Variants in MLIP observed in about 807,000 individuals in gnomAD.
The protein encoded by MLIP is muscular LMNA interacting protein, also known as muscular LMNA-interacting protein.
In MLIP, 79 loss-of-function variants were observed where a neutral mutation model predicts 84.8. The ratio of observed to expected loss-of-function variants is 0.93; its 90% confidence interval spans 0.78 to 1.12. MLIP has a LOEUF of 1.12. MLIP is among the 50% of genes most tolerant of loss of function. The pLI, the probability that MLIP is intolerant of heterozygous loss-of-function variation, is 0.00. For missense variants in MLIP, 1,257 were observed against 1,160.6 expected (o/e 1.08, Z -1.21); for synonymous variants, 504 against 463.0 (o/e 1.09, Z -1.14).
chr6:54,230,430 C>T lies in MLIP; in HGVS notation c.2719-284C>T, dbSNP rs1433570579. ...TTATCTTCTTCCTTACAGATATCTC[C>T]CCTTAATACTTTCAAAAATAAACCT... On this transcript the variant is annotated intron_variant, in intron 11 of 13. Transcript: ENST00000502396. 2.6e-5 allele frequency among the ~76,000 whole-genome samples: 4 copies of T among 152,218 alleles called. No individual in the cohort carries two copies. The East Asian group carries it at 5.8e-4, about 22-fold the overall frequency.
At chr6:54,121,962 G>A (rs1770494920) in intron 2 of MLIP, among the ~76,000 whole-genome samples, 1 of 152,074 alleles carries the variant, frequency 6.6e-6, no homozygotes, top group African/African-American at 2.4e-5. Context: ...ATTATTTACA[G>A]GTAATGAATT....
chr6:54,245,939 T>C (rs1188441382), intron 12 of MLIP, among the ~76,000 whole-genome samples: 1 of 152,198 alleles, frequency 6.6e-6, no homozygotes, highest in African/African-American at 2.4e-5. Flanking sequence ...GACCACTGTT[T>C]TACTCCTTTC....
At chr6:54,191,548 C>T (rs1172653682) in intron 10 of MLIP, among the ~76,000 whole-genome samples, 1 of 152,114 alleles carries the variant, frequency 6.6e-6, no homozygotes, top group African/African-American at 2.4e-5. Flanking sequence ...CCTGCTCTGA[C>T]ATTAACTAGT....
intron 9 of MLIP, among the ~76,000 whole-genome samples, chr6:54,177,217 C>G (rs1776378092): frequency 6.6e-6 from 1 of 151,852 alleles, no homozygotes; most frequent in Non-Finnish European, 1.5e-5. Flanking sequence ...AATTAACGAG[C>G]TTTTGCACAG....
Position 54,217,387 on chromosome 6 carries a change from C to G in MLIP, c.2719-13327C>G, listed in dbSNP as rs1263983735. On this transcript the variant is annotated intron_variant, in intron 11 of 13. Coordinates refer to ENST00000502396, the MANE Select transcript of MLIP (RefSeq NM_001281747.2). ...AATGGAAACAGTTTTTGAAGTTAAA[C>G]AGTATGATTTGATGGTTGAGTAGAA... 3 of 985,276 alleles carry G rather than the reference C, an allele frequency of 3.0e-6. No homozygotes were observed. In the East Asian group the frequency reaches 3.4e-4, roughly 112 times the overall value. The allele number at this position is 985,276 out of a possible 1,614,324, so 61.0% of individuals were successfully genotyped here. A position where few individuals can be genotyped will look rare whatever the true frequency, so the allele number is the denominator to read the frequency against.
At chr6:54,058,155 A>AAT (rs1036438410) in intron 1 of MLIP, among the ~76,000 whole-genome samples, 17 of 151,306 alleles carry the variant, frequency 1.1e-4, no homozygotes, top group Admixed American at 6.6e-4. Context: ...AATAGAAAAA[A>AAT]AACATGTAGG....
At chr6:54,182,644 T>C (rs1433498432) in intron 9 of MLIP, among the ~76,000 whole-genome samples, 5 of 152,220 alleles carry the variant, frequency 3.3e-5, no homozygotes, top group African/African-American at 4.8e-5. Flanking sequence ...TTCATTCTAT[T>C]TTCATTCTAT....
At chr6:54,069,260 A>T (rs575715487) in intron 1 of MLIP, among the ~76,000 whole-genome samples, 3 of 101,246 alleles carry the variant, frequency 3.0e-5, no homozygotes, top group African/African-American at 7.6e-5. Flanking sequence ...TCTTGAGATA[A>T]TTTTGAGATT....
intron 1 of MLIP, among the ~76,000 whole-genome samples, chr6:54,082,567 C>A (rs1168299211): frequency 3.3e-5 from 5 of 152,164 alleles, no homozygotes; most frequent in Non-Finnish European, 5.9e-5. Flanking sequence ...TCCATATTCA[C>A]CTTTTTTGGA....
intron 11 of MLIP, among the ~76,000 whole-genome samples, chr6:54,212,360 C>A (rs1179668411): frequency 6.6e-6 from 1 of 152,056 alleles, no homozygotes; most frequent in Non-Finnish European, 1.5e-5. Flanking sequence ...GTGTTTATGT[C>A]TTTAAATACT....
At chr6:54,081,687 A>G (rs576777369) in intron 1 of MLIP, among the ~76,000 whole-genome samples, 1 of 152,300 alleles carries the variant, frequency 6.6e-6, no homozygotes, top group South Asian at 2.1e-4. Flanking sequence ...TGCTGGGATT[A>G]CAGACGTGAG....
intron 1 of MLIP, among the ~76,000 whole-genome samples, chr6:54,089,014 AG>A (rs148229063): frequency 0.01 from 1,590 of 152,264 alleles, 28 homozygotes; most frequent in African/African-American, 0.037. Flanking sequence ...TGGAAAAAAA[AG>A]TGGAGACTAA....
At chr6:54,160,048 A>G (rs1185384650) in intron 5 of MLIP, among the ~76,000 whole-genome samples, 2 of 152,064 alleles carry the variant, frequency 1.3e-5, no homozygotes, top group Non-Finnish European at 2.9e-5. Flanking sequence ...CTGATCTTCG[A>G]CAAACCTGAC....
chr6:54,157,206 T>C (rs999086639), intron 5 of MLIP, among the ~76,000 whole-genome samples: 7 of 152,090 alleles, frequency 4.6e-5, no homozygotes, highest in African/African-American at 1.7e-4. Context: ...AATCCTGGTC[T>C]TTAATTTCTG....
At position 54,235,385 on chromosome 6, in the gene MLIP, C is replaced by G. The variant is rs542493503; in HGVS notation, c.2922+4468C>G. On this transcript the variant is annotated intron_variant, in intron 12 of 13. Coordinates refer to ENST00000502396, the MANE Select transcript of MLIP (RefSeq NM_001281747.2). ...GTACTTTAAGTCCAAGTTAAATTAT[C>G]CCTCCTCTTTTGTGACATTTCTCCA... is the stretch of plus-strand genomic sequence containing the variant. Among the ~76,000 whole-genome samples, 4 of 152,210 alleles carry G rather than the reference C, an allele frequency of 2.6e-5. No homozygotes were observed. The South Asian group carries it at 6.2e-4, about 24-fold the overall frequency.
At chr6:54,171,069 A>G (rs1189902206) in intron 9 of MLIP, among the ~76,000 whole-genome samples, 1 of 151,524 alleles carries the variant, frequency 6.6e-6, no homozygotes, top group East Asian at 1.9e-4. Context: ...ATTAGTTTTC[A>G]ATAGGTTCAA....
At chr6:54,076,400 G>A (rs1483186140) in intron 1 of MLIP, among the ~76,000 whole-genome samples, 1 of 152,206 alleles carries the variant, frequency 6.6e-6, no homozygotes. Flanking sequence ...TCTACACAGA[G>A]TCTCATTTGG....
chr6:54,215,074 T>C (rs561915254), intron 11 of MLIP: 3 of 1,206,524 alleles, frequency 2.5e-6, no homozygotes, highest in Middle Eastern at 2.1e-4. Flanking sequence ...GCCTTTTTGC[T>C]CCTATTTGTA....
At chr6:54,129,014 C>A (rs1771161743) in intron 3 of MLIP, among the ~76,000 whole-genome samples, 1 of 151,702 alleles carries the variant, frequency 6.6e-6, no homozygotes, top group African/African-American at 2.4e-5. Context: ...GAAGTAAGAA[C>A]TGGGGAGAGG....
Sources: allele counts gnomAD v4.1 joint callset (sites outside exome capture counted in the v4.1 genomes callset), GRCh38; gene constraint gnomAD v4.1.1; transcripts MANE v1.5; gene names NCBI Gene and HGNC (gene_info 2026-07-23, HGNC 2026-07-21).